The following ASH1L variants were observed in gnomAD, a reference collection of about 807,000 sequenced individuals.
ASH1L encodes ASH1 like histone lysine methyltransferase, also known as histone-lysine N-methyltransferase ASH1L.
Under a neutral mutation model 269.0 loss-of-function variants are expected in ASH1L, and 23 were observed. That is an observed-to-expected ratio of 0.09 (90% CI 0.06 to 0.12). The LOEUF (loss-of-function observed/expected upper bound fraction) is 0.12. ASH1L is among the 10% of genes least tolerant of loss of function. The pLI is 1.00. For synonymous variants in ASH1L, 1,187 were observed against 1,253.5 expected, an observed-to-expected ratio of 0.95 and a Z score of 1.12; for missense variants, 2,912 against 3,567.8, an observed-to-expected ratio of 0.82 and a Z score of 4.68.
intron 2 of ASH1L, among the ~76,000 whole-genome samples, chr1:155,502,071 CTTTT>C (rs769262562): frequency 1.4e-4 from 18 of 126,422 alleles, no homozygotes; most frequent in Non-Finnish European, 2.1e-4. Context: ...CTTTTCTTTT[CTTTT>C]TTTTTTTTTT....
intron 12 of ASH1L, among the ~76,000 whole-genome samples, chr1:155,362,002 A>G (rs1209774810): frequency 1.3e-5 from 2 of 151,288 alleles, no homozygotes; most frequent in African/African-American, 4.9e-5. Context: ...GTTCTATTAT[A>G]TGTAAGGTAA....
chr1:155,397,451 T>G (rs1459120289), intron 6 of ASH1L, among the ~76,000 whole-genome samples: 1 of 151,136 alleles, frequency 6.6e-6, no homozygotes, highest in African/African-American at 2.4e-5. Context: ...GAGCCGAGAT[T>G]GTGCCATTGT....
At position 155,347,689 on chromosome 1, in the gene ASH1L, A is replaced by G; in HGVS notation, c.7770T>C (p.Asp2590=). 1 of 1,614,146 alleles carries G rather than the reference A, an allele frequency of 6.2e-7. No homozygotes were observed. Among genetic ancestry groups the G allele is most frequent in the Non-Finnish European group, 8.5e-7 (1 of 1,180,020 alleles). Residue 2590 remains aspartate (D), a synonymous_variant, in exon 20 of 28, where the codon GAT becomes GAC. Coordinates refer to ENST00000392403, the MANE Select transcript of ASH1L (RefSeq NM_018489.3). ...VIRCICGLYK[D]EGLMIQCDKC... ...TGTCACACTGGATCATGAGACCTTC[A>G]TCCTTGTAGAGGCCACAGATACAGC...
chr1:155,476,809 T>A (rs1244210262), intron 3 of ASH1L, among the ~76,000 whole-genome samples: 1 of 152,078 alleles, frequency 6.6e-6, no homozygotes, highest in Non-Finnish European at 1.5e-5. Context: ...CACCTCGGCC[T>A]CCCAAAGCAC....
chr1:155,335,864 G>A lies in ASH1L; in HGVS notation c.*1796C>T, dbSNP rs554618295. On this transcript the variant is annotated 3_prime_UTR_variant, in exon 28 of 28. Coordinates refer to ENST00000392403, the MANE Select transcript of ASH1L (RefSeq NM_018489.3). ...TCATTTTCTCGCTTTTGACTAAAAGGAGACCCCCAAAGTGCCCCTAGTCCC... is the reference window on the plus strand; with the variant it reads ...TCATTTTCTCGCTTTTGACTAAAAGAAGACCCCCAAAGTGCCCCTAGTCCC... The A allele has an allele frequency of 2.0e-5, 3 of 151,958 alleles. No individual in the cohort carries two copies. The South Asian group carries it at 6.3e-4, about 32-fold the overall frequency. 9.4% of individuals were successfully genotyped at this position (151,958 alleles called of 1,614,324 possible).
chr1:155,338,208 G>GA lies in ASH1L; in HGVS notation c.8683_8684insT (p.Thr2895IlefsTer5). 1 of 1,600,404 alleles carries GA rather than the reference G, an allele frequency of 6.2e-7. No homozygotes were observed. The highest frequency in any genetic ancestry group is 8.6e-7 in the Non-Finnish European group (1 of 1,169,556). ...CTGGGGTTCTTGACTACTTTCCTCT[G>GA]TTTTTTTTTCACCCTCACTGACGTT... On this transcript the variant is annotated frameshift_variant, in exon 27 of 28. Coordinates refer to ENST00000392403, the MANE Select transcript of ASH1L (RefSeq NM_018489.3). LOFTEE classifies it high-confidence loss of function.
At position 155,357,583 on chromosome 1, in the gene ASH1L, A is replaced by T; in HGVS notation, c.6960+2T>A. 6.2e-7 allele frequency: 1 copy of T among 1,613,708 alleles called. No homozygotes were observed. The highest frequency in any genetic ancestry group is 8.5e-7 in the Non-Finnish European group (1 of 1,179,924). On this transcript the variant is annotated splice_donor_variant, in intron 14 of 27. Transcript: ENST00000392403. LOFTEE classifies it high-confidence loss of function. ...GGGGAAAGTCATTAGATAATTATTC[A>T]CCCTTTTCTTCAGCTTGTGCTTAGA...
chr1:155,370,999 ATAACTG>A lies in ASH1L; in HGVS notation c.6333-22_6333-17del, dbSNP rs776616542. 6 of 1,612,966 alleles carry A rather than the reference ATAACTG, an allele frequency of 3.7e-6. No individual in the cohort carries two copies. Among genetic ancestry groups the A allele is most frequent in the Admixed American group, 3.3e-5 (2 of 59,988 alleles). On this transcript the variant is annotated splice_polypyrimidine_tract_variant and intron_variant, in intron 10 of 27. Transcript: ENST00000392403. ...AAAGATCATTCTAGAAAAAAAAGGA[ATAACTG>A]TACATCAACTTACATGATACATACC...
At chr1:155,420,698 A>G (rs889957056) in intron 5 of ASH1L, among the ~76,000 whole-genome samples, 2 of 151,722 alleles carry the variant, frequency 1.3e-5, no homozygotes, top group African/African-American at 4.8e-5. Context: ...TAAAATATAA[A>G]AATTAGCCAG....
rs1655888824 is a variant in ASH1L at position 155,370,912 on chromosome 1, C to T, written c.6404G>A (p.Arg2135Lys). The change falls in exon 11 of 28, where the codon AGG (arginine) becomes AAG (lysine). Residue 2135 changes from arginine to lysine, a missense_variant. Around this residue, in one of 13 missense-constraint regions of ASH1L, gnomAD observed 193 missense variants for 311.6 expected, o/e 0.62. Coordinates refer to ENST00000392403, the MANE Select transcript of ASH1L (RefSeq NM_018489.3). ...TTCTAGACATTGCACCCATTCATGC[C>T]TCTGTATCCTCTGGTTACAGCATTG... The part of the protein sequence containing the change: ...GEQCCNQRIQ[R>K]HEWVQCLERF... 5 of 1,614,036 alleles carry T rather than the reference C, an allele frequency of 3.1e-6. No homozygotes were observed. The South Asian group carries it at 3.3e-5, about 11-fold the overall frequency.
intron 7 of ASH1L, among the ~76,000 whole-genome samples, chr1:155,386,770 A>G (rs1388298636): frequency 6.6e-6 from 1 of 152,072 alleles, no homozygotes; most frequent in Non-Finnish European, 1.5e-5. Context: ...CTTTGTCAGA[A>G]GCAGTTTGCA....
chr1:155,354,546 A>T lies in ASH1L; in HGVS notation c.7140T>A (p.Ser2380Arg). The T allele has an allele frequency of 1.2e-6, 2 of 1,613,912 alleles. No homozygotes were observed. The highest frequency in any genetic ancestry group is 1.7e-6 in the Non-Finnish European group (2 of 1,179,904). ...RQKQEEVKHT[S>R]DNIHSASLYT... ...ATAATGATGCTGAGTGAATATTATC[A>T]CTGGTGTGCTTTACTTCCTCCTGTT... is the stretch of plus-strand genomic sequence containing the variant. Residue 2380 changes from serine (S) to arginine (R), a missense_variant, in exon 16 of 28, where the codon AGT becomes AGA. Physicochemically the swap from Ser to Arg is moderately radical, Grantham distance 110 (BLOSUM62 -1). Coordinates refer to ENST00000392403, the MANE Select transcript of ASH1L (RefSeq NM_018489.3).
chr1:155,562,180 G>C lies in ASH1L; in HGVS notation c.-127C>G. The C allele has an allele frequency of 2.5e-6, 4 of 1,601,760 alleles. No individual in the cohort carries two copies. Among genetic ancestry groups the C allele is most frequent in the East Asian group, 2.2e-5 (1 of 44,688 alleles). ...TGTCGGAGGCCGAGGCCGAGGCCGA[G>C]AGCGATGAGAGTGCAGGGAAGTGGG... On this transcript the variant is annotated 5_prime_UTR_variant, in exon 1 of 28. Transcript: ENST00000392403.
intron 2 of ASH1L, among the ~76,000 whole-genome samples, chr1:155,504,147 G>A (rs1442205723): frequency 6.6e-6 from 1 of 152,138 alleles, no homozygotes; most frequent in Non-Finnish European, 1.5e-5. Flanking sequence ...TTTGGGATAT[G>A]GAAAGGTAGG....
chr1:155,414,283 T>C (rs1004324511), intron 6 of ASH1L, among the ~76,000 whole-genome samples: 1 of 152,166 alleles, frequency 6.6e-6, no homozygotes, highest in African/African-American at 2.4e-5. Context: ...ACTCATTTTT[T>C]ATTTCCTATA....
intron 3 of ASH1L, among the ~76,000 whole-genome samples, chr1:155,475,492 T>G (rs954440045): frequency 6.6e-5 from 10 of 152,192 alleles, no homozygotes; most frequent in African/African-American, 2.4e-5. Context: ...CCATAACTAG[T>G]AACTATCTAA....
At chr1:155,540,068 A>C (rs1670324184) in intron 1 of ASH1L, among the ~76,000 whole-genome samples, 1 of 135,182 alleles carries the variant, frequency 7.4e-6, no homozygotes, top group Non-Finnish European at 1.7e-5. Flanking sequence ...ACCTTGTCTC[A>C]AAAAAAAAAA....
chr1:155,504,854 CAAA>C (rs397860297), intron 2 of ASH1L, among the ~76,000 whole-genome samples: 9 of 77,110 alleles, frequency 1.2e-4, no homozygotes, highest in Admixed American at 3.0e-4. Context: ...AACTCCATCT[CAAA>C]AAAAAAAAAA....
intron 1 of ASH1L, among the ~76,000 whole-genome samples, chr1:155,536,559 T>C (rs892817572): frequency 1.5e-4 from 23 of 152,092 alleles, no homozygotes; most frequent in African/African-American, 4.6e-4. Context: ...ACTCAACAGC[T>C]CCCATATATG....
Sources: allele counts gnomAD v4.1 joint callset (sites outside exome capture counted in the v4.1 genomes callset), GRCh38; gene constraint gnomAD v4.1.1; regional missense constraint gnomAD v4.1.1; transcripts MANE v1.5; gene names NCBI Gene and HGNC (gene_info 2026-07-23, HGNC 2026-07-21).